The following GALNT7 variants were observed in gnomAD, a reference collection of about 807,000 sequenced individuals.
The protein encoded by GALNT7 is polypeptide N-acetylgalactosaminyltransferase 7, also known as N-acetylgalactosaminyltransferase 7.
GALNT7 carries 60 observed loss-of-function variants against 82.1 expected under a neutral mutation model. The observed-to-expected ratio is 0.73, with a 90% CI of 0.59 to 0.91. GALNT7 has a LOEUF of 0.91. Ranked by LOEUF, GALNT7 falls within the 40% of genes least tolerant of loss-of-function variation. The pLI is 0.00. For synonymous variants in GALNT7, 243 were observed against 275.1 expected, an observed-to-expected ratio of 0.88 and a Z score of 1.15; for missense variants, 660 against 804.2, an observed-to-expected ratio of 0.82 and a Z score of 2.17.
At chr4:173,193,503 G>T (rs557079789) in intron 1 of GALNT7, among the ~76,000 whole-genome samples, 2 of 151,772 alleles carry the variant, frequency 1.3e-5, no homozygotes, top group Non-Finnish European at 2.9e-5. Context: ...TTTTTTAAAG[G>T]CGTTACATTC....
chr4:173,214,122 AAC>A (rs1446788299), intron 1 of GALNT7, among the ~76,000 whole-genome samples: 2 of 152,162 alleles, frequency 1.3e-5, no homozygotes, highest in African/African-American at 2.4e-5. Context: ...CTCTGGAAAT[AAC>A]ACACAACCCA....
chr4:173,266,968 T>C (rs1735525605), intron 2 of GALNT7, among the ~76,000 whole-genome samples: 1 of 150,652 alleles, frequency 6.6e-6, no homozygotes, highest in African/African-American at 2.5e-5. Context: ...GGCTAATGGC[T>C]ATAAACATAC....
intron 2 of GALNT7, among the ~76,000 whole-genome samples, chr4:173,257,501 A>G (rs796254419): frequency 5.9e-5 from 9 of 152,328 alleles, no homozygotes; most frequent in African/African-American, 2.2e-4. Context: ...AGAAGGAAAA[A>G]GGGCTTAGCA....
chr4:173,289,290 T>TAC (rs1232113717), intron 2 of GALNT7, among the ~76,000 whole-genome samples: 9 of 152,206 alleles, frequency 5.9e-5, no homozygotes, highest in African/African-American at 2.2e-4. Flanking sequence ...AAATATGTTG[T>TAC]AGTTTTGCCA....
At chr4:173,239,536 G>A (rs1162580789) in intron 1 of GALNT7, among the ~76,000 whole-genome samples, 4 of 152,194 alleles carry the variant, frequency 2.6e-5, no homozygotes, top group African/African-American at 7.2e-5. Context: ...TACGAAAGCC[G>A]AAAGTGCATC....
chr4:173,178,499 T>G (rs2126624484), intron 1 of GALNT7, among the ~76,000 whole-genome samples: 1 of 152,322 alleles, frequency 6.6e-6, no homozygotes, highest in South Asian at 2.1e-4. Flanking sequence ...TTTCAGTTGC[T>G]TAATTTGCTA....
chr4:173,188,489 G>C (rs1229606574), intron 1 of GALNT7, among the ~76,000 whole-genome samples: 1 of 152,214 alleles, frequency 6.6e-6, no homozygotes, highest in African/African-American at 2.4e-5. Flanking sequence ...GCTTTGAAAA[G>C]TACTATAGAA....
chr4:173,194,370 G>A (rs563889152), intron 1 of GALNT7, among the ~76,000 whole-genome samples: 2 of 152,158 alleles, frequency 1.3e-5, no homozygotes, highest in Admixed American at 6.5e-5. Flanking sequence ...TGTTGCCCTA[G>A]GGCTAGTATG....
At chr4:173,224,261 C>T (rs917362765) in intron 1 of GALNT7, among the ~76,000 whole-genome samples, 1 of 152,172 alleles carries the variant, frequency 6.6e-6, no homozygotes, top group Non-Finnish European at 1.5e-5. Context: ...CCCTTTACCA[C>T]GTTTCGAGTA....
In GALNT7 at chr4:173,320,372, A is replaced by G. The variant is rs1005427915; in HGVS notation, c.1837-1208A>G. ...TAATTCATCTAAAAGTAATAATAATATACTTATTAAACATTAATGTAAATG... is the reference window on the plus strand; with the variant it reads ...TAATTCATCTAAAAGTAATAATAATGTACTTATTAAACATTAATGTAAATG... On this transcript the variant is annotated intron_variant, in intron 11 of 11. Transcript: ENST00000265000. This position sits in a 1 kb window ranked among gnomAD's most constrained non-coding sequence, Gnocchi z 4.1. Among the ~76,000 whole-genome samples, 1 of 152,158 alleles carries G rather than the reference A, an allele frequency of 6.6e-6. No homozygotes were observed. Among genetic ancestry groups the G allele is most frequent in the Admixed American group, 6.6e-5 (1 of 15,266 alleles).
intron 2 of GALNT7, among the ~76,000 whole-genome samples, chr4:173,254,619 G>A (rs938781344): frequency 1.3e-5 from 2 of 152,130 alleles, no homozygotes; most frequent in Non-Finnish European, 2.9e-5. Flanking sequence ...ATATGCAGAG[G>A]TATTTGTACT....
At chr4:173,185,638 A>G (rs1732440470) in intron 1 of GALNT7, among the ~76,000 whole-genome samples, 1 of 152,234 alleles carries the variant, frequency 6.6e-6, no homozygotes, top group South Asian at 2.1e-4. Context: ...CTTACAGTTT[A>G]GGAATACTAA....
intron 1 of GALNT7, among the ~76,000 whole-genome samples, chr4:173,216,217 AT>A (rs1357756061): frequency 6.6e-6 from 1 of 152,196 alleles, no homozygotes; most frequent in Non-Finnish European, 1.5e-5. Flanking sequence ...CTCTTTTAAT[AT>A]TGTTTCAACT....
chr4:173,317,767 G>A lies in GALNT7; in HGVS notation c.1707+35G>A, dbSNP rs762333002. 33 of 1,234,772 alleles carry A rather than the reference G, an allele frequency of 2.7e-5. No homozygotes were observed. The Admixed American group carries it at 2.9e-4, about 11-fold the overall frequency. The allele number at this position is 1,234,772 out of a possible 1,614,324, so 76.5% of individuals were successfully genotyped here. ...CTTACTTTTGTGTTTAAGTTGTTCCGTATTGAGGGCCATCAGGTTTATTGA... is the reference window on the plus strand; with the variant it reads ...CTTACTTTTGTGTTTAAGTTGTTCCATATTGAGGGCCATCAGGTTTATTGA... On this transcript the variant is annotated intron_variant, in intron 10 of 11. Coordinates refer to ENST00000265000, the MANE Select transcript of GALNT7 (RefSeq NM_017423.3).
intron 2 of GALNT7, among the ~76,000 whole-genome samples, chr4:173,281,109 T>C (rs1204281214): frequency 6.6e-6 from 1 of 152,168 alleles, no homozygotes; most frequent in Non-Finnish European, 1.5e-5. Context: ...CTTTTCTCTC[T>C]AGCATCCTGG....
chr4:173,268,804 G>A (rs1735609637), intron 2 of GALNT7, among the ~76,000 whole-genome samples: 1 of 151,630 alleles, frequency 6.6e-6, no homozygotes, highest in South Asian at 2.1e-4. Flanking sequence ...CTCCCAAAGT[G>A]CTGGGATTAC....
Position 173,314,085 on chromosome 4 carries a change from A to T in GALNT7, c.1517A>T (p.Asn506Ile). The change falls in exon 9 of 12, where the codon AAC becomes ATC. Residue 506 changes from asparagine (N) to isoleucine (I), a missense_variant. Physicochemically the swap from Asn to Ile is moderately radical, Grantham distance 149. This residue lies in a region of GALNT7 where 527 missense variants were observed against 683.5 expected (regional missense o/e 0.77). Coordinates refer to ENST00000265000, the MANE Select transcript of GALNT7 (RefSeq NM_017423.3). Reference sequence around the variant, plus strand: ...CTGAAAAAATTTCGAGAAGATCACAACTGCAAAAGTTTTAAGTGGTTCATG... The same window carrying T: ...CTGAAAAAATTTCGAGAAGATCACATCTGCAAAAGTTTTAAGTGGTTCATG... ...SELKKFREDH[N>I]CKSFKWFMEE... 1 of 1,613,858 alleles carries T rather than the reference A, an allele frequency of 6.2e-7. No homozygotes were observed. The highest frequency in any genetic ancestry group is 1.1e-5 in the South Asian group (1 of 91,080).
chr4:173,298,248 C>G lies in GALNT7; in HGVS notation c.1099C>G (p.Leu367Val). 6.2e-7 allele frequency: 1 copy of G among 1,607,728 alleles called. No individual in the cohort carries two copies. The highest frequency in any genetic ancestry group is 8.5e-7 in the Non-Finnish European group (1 of 1,177,774). ...GAGTATGCTCTGGAAACGGGTGCCTCTGACCCCTCAAGAGAAGAGACTGAG... is the reference window on the plus strand; with the variant it reads ...GAGTATGCTCTGGAAACGGGTGCCTGTGACCCCTCAAGAGAAGAGACTGAG... ...DWSMLWKRVP[L>V]TPQEKRLRKT... Residue 367 changes from leucine (L) to valine (V), a missense_variant, in exon 6 of 12, where the codon CTG (leucine) becomes GTG (valine). Leu to Val is a conservative substitution (Grantham distance 32). Around this residue, in one of 2 missense-constraint regions of GALNT7, gnomAD observed 527 missense variants for 683.5 expected, o/e 0.77. Transcript: ENST00000265000.
chr4:173,256,942 G>C (rs1033613083), intron 2 of GALNT7, among the ~76,000 whole-genome samples: 2 of 152,162 alleles, frequency 1.3e-5, no homozygotes, highest in African/African-American at 2.4e-5. Flanking sequence ...ACTCTCAATA[G>C]ACAGCAAGGA....
Sources: allele counts gnomAD v4.1 joint callset (sites outside exome capture counted in the v4.1 genomes callset), GRCh38; gene constraint gnomAD v4.1.1; regional missense constraint gnomAD v4.1.1; non-coding constraint Gnocchi (gnomAD v3.1); transcripts MANE v1.5; gene names NCBI Gene and HGNC (gene_info 2026-07-23, HGNC 2026-07-21).